The following LOXL3 variants were observed in gnomAD, a reference collection of about 807,000 sequenced individuals.
The protein encoded by LOXL3 is lysyl oxidase homolog 3.
A neutral mutation model predicts 91.8 loss-of-function variants in LOXL3; 60 were observed. The ratio of observed to expected loss-of-function variants is 0.65; its 90% CI spans 0.53 to 0.81. The LOEUF (loss-of-function observed/expected upper bound fraction) is 0.81. LOXL3 is among the 30% of genes least tolerant of loss of function. The pLI, the probability that LOXL3 is intolerant of heterozygous loss-of-function variation, is 0.00. For synonymous variants in LOXL3, 355 were observed against 387.6 expected, an observed-to-expected ratio of 0.92 and a Z score of 0.99; for missense variants, 874 against 1,000.4, an observed-to-expected ratio of 0.87 and a Z score of 1.70.
chr2:74,548,872 C>T (rs1676781477), intron 4 of LOXL3, among the ~76,000 whole-genome samples: 1 of 151,290 alleles, frequency 6.6e-6, no homozygotes, highest in Non-Finnish European at 1.5e-5. Flanking sequence ...CCCGGGGCGG[C>T]CCGGGCAGAG....
chr2:74,533,224 C>T lies in LOXL3; in HGVS notation c.*382G>A. On this transcript the variant is annotated 3_prime_UTR_variant, in exon 14 of 14. Transcript: ENST00000264094. ...GGGAGGGCTGGATCTTTTCCCCCACCAAAAGGCTAGAGGTAAAGCTGTATC... is the reference window on the plus strand; with the variant it reads ...GGGAGGGCTGGATCTTTTCCCCCACTAAAAGGCTAGAGGTAAAGCTGTATC... The T allele has an allele frequency of 3.5e-6, 2 of 570,372 alleles. No homozygotes were observed. Among genetic ancestry groups the T allele is most frequent in the Admixed American group, 6.1e-5 (2 of 32,836 alleles). The allele number at this position is 570,372 out of a possible 1,614,324, so 35.3% of individuals were successfully genotyped here.
intron 4 of LOXL3, among the ~76,000 whole-genome samples, chr2:74,545,659 C>T (rs1443613866): frequency 6.6e-6 from 1 of 152,198 alleles, no homozygotes; most frequent in Non-Finnish European, 1.5e-5. Flanking sequence ...TCACTCTCTC[C>T]TCTTCGAAGC....
Position 74,533,016 on chromosome 2 carries a change from C to A in LOXL3, c.*590G>T. The A allele has an allele frequency of 6.2e-7, 1 of 1,608,482 alleles. No homozygotes were observed. The highest frequency in any genetic ancestry group is 8.5e-7 in the Non-Finnish European group (1 of 1,175,778). On this transcript the variant is annotated 3_prime_UTR_variant, in exon 14 of 14. Coordinates refer to ENST00000264094, the MANE Select transcript of LOXL3 (RefSeq NM_032603.5). ...TCACCAAGAGTATGAGGCTCCTGCT[C>A]TGATTTCCTCCTTGCCTTTCTGGCT...
chr2:74,550,153 A>AGT (rs747133857), intron 3 of LOXL3, 32 bp downstream of exon 3: 4 of 1,594,172 alleles, frequency 2.5e-6, no homozygotes, highest in African/African-American at 2.7e-5. Context: ...TATCCTGGGT[A>AGT]GTGTGTGTGT....
At chr2:74,541,721 C>T (rs2104414782) in intron 4 of LOXL3, among the ~76,000 whole-genome samples, 1 of 151,992 alleles carries the variant, frequency 6.6e-6, no homozygotes, top group East Asian at 1.9e-4. Context: ...AGAAGTACCT[C>T]TTCTCTAAAT....
chr2:74,555,538 G>A (rs756813405), upstream of LOXL3: 1 of 1,613,774 alleles, frequency 6.2e-7, no homozygotes, highest in Non-Finnish European at 8.5e-7. This position sits in a 1 kb window ranked among gnomAD's most constrained non-coding sequence, Gnocchi z 6.1. Context: ...GCTCCCCGCT[G>A]AGGAAATTAC....
At position 74,535,176 on chromosome 2, in the gene LOXL3, G is replaced by A. The variant is rs977361147; in HGVS notation, c.1579+116C>T. ...ACAGGCGTGAGCCACTGCACCCGGC[G>A]AAACTGGCTCTTTTATGGGGAAGAA... On this transcript the variant is annotated intron_variant, in intron 9 of 13. Transcript: ENST00000264094. The surrounding 1 kb of genome is among the most constrained non-coding windows in gnomAD (Gnocchi z 4.2). 22 of 1,238,748 alleles carry A rather than the reference G, an allele frequency of 1.8e-5. No individual in the cohort carries two copies. Among genetic ancestry groups the A allele is most frequent in the Non-Finnish European group, 2.0e-5 (18 of 903,990 alleles). 76.7% of individuals were successfully genotyped at this position (1,238,748 alleles called of 1,614,324 possible).
At position 74,549,507 on chromosome 2, in the gene LOXL3, G is replaced by A. The variant is rs1467895088; in HGVS notation, c.554C>T (p.Thr185Met). The A allele has an allele frequency of 1.2e-6, 2 of 1,613,708 alleles. No individual in the cohort carries two copies. Among genetic ancestry groups the A allele is most frequent in the South Asian group, 2.2e-5 (2 of 91,034 alleles). ...VGWGRRPLPV[T>M]EGLVEVRLPD... is the part of the protein sequence containing the mutation. ...AAGCCTGACTTCCACCAGCCCCTCCGTCACGGGCAGGGGTCGTCTGCCCCA... is the reference window on the plus strand; with the variant it reads ...AAGCCTGACTTCCACCAGCCCCTCCATCACGGGCAGGGGTCGTCTGCCCCA... Residue 185 changes from threonine to methionine, a missense_variant, in exon 4 of 14, where the codon ACG becomes ATG. Transcript: ENST00000264094. This position sits in a 1 kb window ranked among gnomAD's most constrained non-coding sequence, Gnocchi z 5.3.
At chr2:74,542,377 C>T (rs1338325534) in intron 4 of LOXL3, among the ~76,000 whole-genome samples, 1 of 152,174 alleles carries the variant, frequency 6.6e-6, no homozygotes, top group Non-Finnish European at 1.5e-5. Context: ...ATCCTCTTCT[C>T]ATACCTTTCA....
At chr2:74,554,839 C>A, upstream of LOXL3, 1 of 1,613,466 alleles carries the variant, frequency 6.2e-7, no homozygotes, top group Non-Finnish European at 8.5e-7. This position sits in a 1 kb window ranked among gnomAD's most constrained non-coding sequence, Gnocchi z 4.9. Context: ...GGATGCCGAA[C>A]CTTATCCGGG....
Position 74,537,506 on chromosome 2 carries a change from C to T in LOXL3, c.693-578G>A, listed in dbSNP as rs369861769. 2.7e-4 allele frequency among the ~76,000 whole-genome samples: 41 copies of T among 152,178 alleles called. No individual in the cohort carries two copies. The East Asian group carries it at 2.7e-3, about 10-fold the overall frequency. On this transcript the variant is annotated intron_variant, in intron 4 of 13. Transcript: ENST00000264094. ...CAGCAAGAACAGACCAGCAGGTAGA[C>T]GCAAGAAAAACTGGGACTGGCATAT...
chr2:74,537,780 T>C (rs1676108482), intron 4 of LOXL3, among the ~76,000 whole-genome samples: 2 of 152,008 alleles, frequency 1.3e-5, no homozygotes, highest in Non-Finnish European at 2.9e-5. Context: ...TTTGAGAGAA[T>C]GGGGGGACTT....
upstream of LOXL3, chr2:74,554,476 C>A (rs1196933332): frequency 7.7e-6 from 4 of 522,610 alleles, no homozygotes; most frequent in Non-Finnish European, 1.4e-5. The surrounding 1 kb of genome is among the most constrained non-coding windows in gnomAD (Gnocchi z 4.9). Context: ...GCCACCACGC[C>A]CAGAGGCCAG....
Position 74,549,318 on chromosome 2 carries a change from A to G in LOXL3, c.692+51T>C. On this transcript the variant is annotated intron_variant, in intron 4 of 13. Transcript: ENST00000264094. This position sits in a 1 kb window ranked among gnomAD's most constrained non-coding sequence, Gnocchi z 5.3. ...CAGATGTCTCCCAAGGCTATTCATC[A>G]GGGAGCACCCCAATCCCGGCCTGCT... 1 of 1,507,386 alleles carries G rather than the reference A, an allele frequency of 6.6e-7. No homozygotes were observed. Among genetic ancestry groups the G allele is most frequent in the Non-Finnish European group, 8.9e-7 (1 of 1,122,454 alleles). The allele number at this position is 1,507,386 out of a possible 1,614,324, so 93.4% of individuals were successfully genotyped here.
chr2:74,548,105 G>T (rs1676717449), intron 4 of LOXL3, among the ~76,000 whole-genome samples: 1 of 152,192 alleles, frequency 6.6e-6, no homozygotes, highest in Non-Finnish European at 1.5e-5. Context: ...GTTAGACTTT[G>T]GTTTTAAACA....
Position 74,534,440 on chromosome 2 carries a change from A to C in LOXL3, c.1824-9T>G. ...CCATGCTGTGGTAATGCCTGTGGGG[A>C]GAAGGGAACTTCTGTTTCCTTCTCT... is the stretch of plus-strand genomic sequence containing the variant. On this transcript the variant is annotated splice_polypyrimidine_tract_variant and intron_variant, in intron 10 of 13. Transcript: ENST00000264094. 6.2e-7 allele frequency: 1 copy of C among 1,614,016 alleles called. No individual in the cohort carries two copies. Among genetic ancestry groups the C allele is most frequent in the Non-Finnish European group, 8.5e-7 (1 of 1,179,934 alleles).
At chr2:74,555,577 A>G (rs1677387731), upstream of LOXL3, 2 of 1,614,206 alleles carry the variant, frequency 1.2e-6, no homozygotes, top group Non-Finnish European at 1.7e-6. This position sits in a 1 kb window ranked among gnomAD's most constrained non-coding sequence, Gnocchi z 6.1. Context: ...TACTACAGAA[A>G]GGCAGCTGGA....
chr2:74,537,348 C>T (rs961502281), intron 4 of LOXL3, among the ~76,000 whole-genome samples: 2 of 152,150 alleles, frequency 1.3e-5, no homozygotes, highest in Admixed American at 6.5e-5. Flanking sequence ...AAAGCCAGGG[C>T]GAGCAAGTCC....
rs1192497341 is a variant in LOXL3 at position 74,536,804 on chromosome 2, C to A, written c.817G>T (p.Gly273Trp). The A allele has an allele frequency of 6.2e-7, 1 of 1,614,134 alleles. No individual in the cohort carries two copies. Among genetic ancestry groups the A allele is most frequent in the South Asian group, 1.1e-5 (1 of 91,094 alleles). The change falls in exon 5 of 14, where the codon GGG becomes TGG. Residue 273 changes from glycine (G) to tryptophan (W), a missense_variant. Coordinates refer to ENST00000264094, the MANE Select transcript of LOXL3 (RefSeq NM_032603.5). This position sits in a 1 kb window ranked among gnomAD's most constrained non-coding sequence, Gnocchi z 4.5. ...YRANDTARCP[G>W]GGPAVVSCVP... The stretch of plus-strand genomic sequence containing the variant: ...CAGCTCACCACTGCAGGGCCCCCCC[C>A]AGGGCACCTGGCGGTGTCATTGGCA...
Sources: allele counts gnomAD v4.1 joint callset (sites outside exome capture counted in the v4.1 genomes callset), GRCh38; gene constraint gnomAD v4.1.1; non-coding constraint Gnocchi (gnomAD v3.1); transcripts MANE v1.5; gene names NCBI Gene and HGNC (gene_info 2026-07-23, HGNC 2026-07-21).